ERBIN: variants seen among roughly 807,000 people sequenced by gnomAD.
ERBIN encodes densin-180-like protein.
ERBIN carries 60 observed loss-of-function variants against 158.4 expected under a neutral mutation model. The ratio of observed to expected loss-of-function variants is 0.38; its 90% CI spans 0.31 to 0.47. The LOEUF (loss-of-function observed/expected upper bound fraction) is 0.47. Among genes scored for constraint, ERBIN ranks in the 20% least tolerant of loss-of-function variants. The pLI, the probability that ERBIN is intolerant of heterozygous loss-of-function variation, is 0.99. For synonymous variants in ERBIN, 594 were observed against 557.2 expected, an observed-to-expected ratio of 1.07 and a Z score of -0.93; for missense variants, 1,610 against 1,648.0, an observed-to-expected ratio of 0.98 and a Z score of 0.40.
At chr5:65,964,808 T>G (rs2150967407) in intron 1 of ERBIN, among the ~76,000 whole-genome samples, 2 of 138,964 alleles carry the variant, frequency 1.4e-5, no homozygotes, top group South Asian at 4.8e-4. Flanking sequence ...AGTGGTACAA[T>G]CTCCGCTCAC....
At position 66,054,103 on chromosome 5, in the gene ERBIN, G is replaced by T; in HGVS notation, c.2785G>T (p.Gly929Cys). Residue 929 changes from glycine (G) to cysteine (C), a missense_variant, in exon 21 of 26, where the codon GGT becomes TGT. Gly to Cys is a radical substitution (Grantham distance 159). Coordinates refer to ENST00000284037, the MANE Select transcript of ERBIN (RefSeq NM_001253697.2). ...LYDQPLQVFT[G>C]SSSSSDLISG... Reference sequence around the variant, plus strand: ...TGATCAACCATTGCAGGTATTTACTGGTTCTTCCTCATCTTCTGATTTAAT... The same window carrying T: ...TGATCAACCATTGCAGGTATTTACTTGTTCTTCCTCATCTTCTGATTTAAT... 1 of 1,614,094 alleles carries T rather than the reference G, an allele frequency of 6.2e-7. No individual in the cohort carries two copies.
At chr5:65,983,756 A>G (rs968716299) in intron 1 of ERBIN, among the ~76,000 whole-genome samples, 1 of 152,156 alleles carries the variant, frequency 6.6e-6, no homozygotes, top group Non-Finnish European at 1.5e-5. Flanking sequence ...CAGCCTTGCC[A>G]TGGCCTCCAA....
rs1362903825 is a variant in ERBIN at position 66,053,583 on chromosome 5, T to C, written c.2265T>C (p.Asp755=). The part of the protein sequence containing the change: ...EKSVDSTATA[D]DTHKLDHINM... Reference sequence around the variant, plus strand: ...GTGTTGACTCAACAGCCACAGCTGATGACACTCACAAATTAGATCATATCA... The same window carrying C: ...GTGTTGACTCAACAGCCACAGCTGACGACACTCACAAATTAGATCATATCA... The change falls in exon 21 of 26, where the codon GAT becomes GAC. Residue 755 remains aspartate (D), a synonymous_variant. Coordinates refer to ENST00000284037, the MANE Select transcript of ERBIN (RefSeq NM_001253697.2). 6.2e-7 allele frequency: 1 copy of C among 1,610,898 alleles called. No homozygotes were observed.
rs1580033611 is a variant in ERBIN at position 65,928,503 on chromosome 5, A to C, written c.-58+1697A>C. Among the ~76,000 whole-genome samples, 3 of 152,246 alleles carry C rather than the reference A, an allele frequency of 2.0e-5. No individual in the cohort carries two copies. The East Asian group carries it at 5.8e-4, about 29-fold the overall frequency. ...AACCTTAATAGAGCAAGTCCCTTACAGAGAATTATCGCTTTATGAAGATGG... is the reference window on the plus strand; with the variant it reads ...AACCTTAATAGAGCAAGTCCCTTACCGAGAATTATCGCTTTATGAAGATGG... On this transcript the variant is annotated intron_variant, in intron 1 of 25. Transcript: ENST00000284037.
chr5:66,076,456 C>T (rs1197361704), intron 24 of ERBIN, 48 bp downstream of exon 24: 2 of 1,325,152 alleles, frequency 1.5e-6, no homozygotes, highest in African/African-American at 1.5e-5. Context: ...GTTTTATTTA[C>T]CGATTGAATA....
At position 66,038,286 on chromosome 5, in the gene ERBIN, T is replaced by C. The variant is rs140448231; in HGVS notation, c.1207-97T>C. ...TTGTTTGTAACCTGCACATTGATAC[T>C]TTATAGAAAAAGTGGTGTGTACTTA... On this transcript the variant is annotated intron_variant, in intron 14 of 25. Transcript: ENST00000284037. 54 of 675,426 alleles carry C rather than the reference T, an allele frequency of 8.0e-5. No individual in the cohort carries two copies. In the African/African-American group the frequency reaches 9.0e-4, roughly 11 times the overall value. The allele number at this position is 675,426 out of a possible 1,614,324, so 41.8% of individuals were successfully genotyped here.
intron 17 of ERBIN, among the ~76,000 whole-genome samples, chr5:66,046,047 C>T (rs964614510): frequency 1.3e-5 from 2 of 152,088 alleles, no homozygotes; most frequent in Non-Finnish European, 2.9e-5. Context: ...TTTTAACCAT[C>T]CGGAGTTGAG....
rs764832257 is a variant in ERBIN at position 65,992,851 on chromosome 5, G to C, written c.133G>C (p.Glu45Gln). 1.2e-6 allele frequency: 2 copies of C among 1,611,742 alleles called. No individual in the cohort carries two copies. Among genetic ancestry groups the C allele is most frequent in the East Asian group, 4.5e-5 (2 of 44,844 alleles). Residue 45 changes from glutamate (E) to glutamine (Q), a missense_variant, in exon 3 of 26, where the codon GAA (glutamate) becomes CAA (glutamine). By Grantham distance (29) the Glu-to-Gln change is conservative (BLOSUM62 2). Transcript: ENST00000284037. ...EQVPKEIFTFEKTLEELYLDA... is the reference protein window; with the variant it reads ...EQVPKEIFTFQKTLEELYLDA... The stretch of plus-strand genomic sequence containing the variant: ...AGTTCCGAAAGAGATTTTTACTTTT[G>C]AAAAAACCTTGGAGGAACTCTATTT...
chr5:65,965,664 A>G (rs1748524799), intron 1 of ERBIN, among the ~76,000 whole-genome samples: 1 of 152,160 alleles, frequency 6.6e-6, no homozygotes, highest in Non-Finnish European at 1.5e-5. Flanking sequence ...AAGTGCTGGG[A>G]TTACAGGTGT....
At chr5:65,971,916 C>T (rs753340702) in intron 1 of ERBIN, among the ~76,000 whole-genome samples, 46 of 152,158 alleles carry the variant, frequency 3.0e-4, no homozygotes, top group Non-Finnish European at 5.6e-4. Context: ...AGAGGGCCAC[C>T]CCTTTCAAAA....
chr5:65,977,372 T>C (rs1390874294), intron 1 of ERBIN, among the ~76,000 whole-genome samples: 13 of 140,846 alleles, frequency 9.2e-5, no homozygotes, highest in Admixed American at 4.2e-4. Context: ...GGGTGGCTGC[T>C]GGGCGGAGGG....
rs759219702 is a variant in ERBIN, at chr5:66,024,392, A to C, written c.759A>C (p.Glu253Asp). 83 of 1,608,128 alleles carry C rather than the reference A, an allele frequency of 5.2e-5. No homozygotes were observed. The highest frequency in any genetic ancestry group is 7.0e-5 in the Non-Finnish European group (82 of 1,178,222). Residue 253 changes from glutamate to aspartate, a missense_variant, in exon 10 of 26, where the codon GAA becomes GAC. Glu to Asp is a conservative substitution (Grantham distance 45, BLOSUM62 2). Coordinates refer to ENST00000284037, the MANE Select transcript of ERBIN (RefSeq NM_001253697.2). ...TTGAAGAAGGAATTTCAACATGTGA[A>C]AACCTTCAAGACCTCCTATTATCAA... ...EMVEEGISTC[E>D]NLQDLLLSSN...
rs752039423 is a variant in ERBIN at position 66,025,472 on chromosome 5, C to T, written c.818-8C>T. ...TGAAAAATTGTATGTTGTTTCTTCC[C>T]TCATTAGGTTCGTTGAAGAATATAA... On this transcript the variant is annotated splice_polypyrimidine_tract_variant and splice_region_variant and intron_variant, in intron 10 of 25. Coordinates refer to ENST00000284037, the MANE Select transcript of ERBIN (RefSeq NM_001253697.2). 1.9e-6 allele frequency: 3 copies of T among 1,601,786 alleles called. No individual in the cohort carries two copies.
At chr5:65,974,055 C>T (rs770410699) in intron 1 of ERBIN, among the ~76,000 whole-genome samples, 8 of 150,866 alleles carry the variant, frequency 5.3e-5, no homozygotes, top group Admixed American at 2.0e-4. Context: ...GGCAACATAG[C>T]GAAACTCCAT....
chr5:66,070,452 C>A lies in ERBIN; in HGVS notation c.3634-1717C>A, dbSNP rs559667197. ...TGGCTTTTATTAACTCAGGGGTAAT[C>A]TTTGCCATTTATAGTCACCTGGAGC... On this transcript the variant is annotated intron_variant, in intron 21 of 25. Coordinates refer to ENST00000284037, the MANE Select transcript of ERBIN (RefSeq NM_001253697.2). Among the ~76,000 whole-genome samples the A allele has an allele frequency of 1.1e-4, 16 of 152,240 alleles. No homozygotes were observed. In the South Asian group the frequency reaches 2.7e-3, roughly 26 times the overall value.
chr5:66,022,957 G>C (rs3805470), intron 8 of ERBIN: 2 of 184,600 alleles, frequency 1.1e-5, no homozygotes, highest in East Asian at 3.0e-4. Flanking sequence ...TCTAAGCAGT[G>C]AGTCCTATTT....
At chr5:66,003,441 C>T (rs896284671) in intron 4 of ERBIN, among the ~76,000 whole-genome samples, 22 of 152,036 alleles carry the variant, frequency 1.4e-4, no homozygotes, top group African/African-American at 5.3e-4. Flanking sequence ...GGGATGCTGT[C>T]AAGAAGTGGG....
chr5:66,068,290 G>A (rs1761204053), intron 21 of ERBIN, among the ~76,000 whole-genome samples: 1 of 151,776 alleles, frequency 6.6e-6, no homozygotes, highest in Non-Finnish European at 1.5e-5. Flanking sequence ...TGAGCCAGGA[G>A]CTTGCTATTG....
chr5:66,043,034 T>G lies in ERBIN; in HGVS notation c.1307-43T>G, dbSNP rs781304491. ...TGAGCAAGTGATAGTTTTCCATAATTACAGTAAAATATAGTAGGTTTTTGT... is the reference window on the plus strand; with the variant it reads ...TGAGCAAGTGATAGTTTTCCATAATGACAGTAAAATATAGTAGGTTTTTGT... On this transcript the variant is annotated intron_variant, in intron 15 of 25. Transcript: ENST00000284037. The G allele has an allele frequency of 3.5e-6, 5 of 1,418,182 alleles. No homozygotes were observed. In the Admixed American group the frequency reaches 1.0e-4, roughly 28 times the overall value. 87.8% of individuals were successfully genotyped at this position (1,418,182 alleles called of 1,614,324 possible).
Sources: gnomAD v4.1 joint callset for allele counts (sites outside exome capture counted in the v4.1 genomes callset) on GRCh38, gnomAD v4.1.1 for gene constraint, MANE v1.5 for transcripts, NCBI Gene and HGNC (gene_info 2026-07-23, HGNC 2026-07-21) for gene names.